The following NAV2 variants were observed in gnomAD, a reference collection of about 807,000 sequenced individuals.
The protein encoded by NAV2 is neuron navigator 2.
Under a neutral mutation model 223.2 loss-of-function variants are expected in NAV2, and 54 were observed. The observed-to-expected ratio is 0.24, with a 90% confidence interval of 0.19 to 0.30. The LOEUF (loss-of-function observed/expected upper bound fraction) is 0.30, where lower values mean the gene tolerates loss of function less well. NAV2 is among the 10% of genes least tolerant of loss of function. The pLI, the probability that NAV2 is intolerant of heterozygous loss-of-function variation, is 1.00. For missense variants in NAV2, 2,806 were observed against 3,147.5 expected (o/e 0.89, Z 2.60); for synonymous variants, 1,279 against 1,239.3 (o/e 1.03, Z -0.67).
intron 1 of NAV2, among the ~76,000 whole-genome samples, chr11:19,702,044 A>G (rs1203772326): frequency 1.3e-5 from 2 of 152,164 alleles, no homozygotes; most frequent in East Asian, 1.9e-4. Context: ...TTTCCTCTCC[A>G]TCTTCTCTGT....
At chr11:19,447,128 C>T (rs796283498) in intron 1 of NAV2, among the ~76,000 whole-genome samples, 23 of 152,258 alleles carry the variant, frequency 1.5e-4, no homozygotes, top group African/African-American at 4.1e-4. Flanking sequence ...CAGAGGCCTG[C>T]GGTAAAAGAG....
chr11:19,859,597 C>A (rs1021044816), intron 3 of NAV2, among the ~76,000 whole-genome samples: 1 of 152,200 alleles, frequency 6.6e-6, no homozygotes, highest in African/African-American at 2.4e-5. Flanking sequence ...ACCTTTCCCC[C>A]CTTTCTATTC....
chr11:19,868,876 G>A lies in NAV2; in HGVS notation c.439-49G>A. The A allele has an allele frequency of 2.5e-6, 4 of 1,581,412 alleles. No homozygotes were observed. The East Asian group carries it at 9.0e-5, about 36-fold the overall frequency. On this transcript the variant is annotated intron_variant, in intron 3 of 37. Coordinates refer to ENST00000349880, the MANE Select transcript of NAV2 (RefSeq NM_145117.5). ...ATTGTTCCTCATAAGAGATGGCTCT[G>A]GAGAGGCTGAACATTTATTAAGTAT... is the stretch of plus-strand genomic sequence containing the variant.
rs749336194 is a variant in NAV2 at position 20,045,529 on chromosome 11, G to A, written c.3761G>A (p.Gly1254Asp). 1.2e-6 allele frequency: 2 copies of A among 1,614,106 alleles called. No homozygotes were observed. Among genetic ancestry groups the A allele is most frequent in the Non-Finnish European group, 8.5e-7 (1 of 1,180,014 alleles). ...GLVNQTDKEK[G>D]ISSDNESVAS... The stretch of plus-strand genomic sequence containing the variant: ...GTCAACCAAACAGACAAGGAGAAAG[G>A]CATCTCATCAGACAACGAGAGTGTG... The change falls in exon 14 of 38, where the codon GGC becomes GAC. Residue 1254 changes from glycine (G) to aspartate (D), a missense_variant. Around this residue, in one of 4 missense-constraint regions of NAV2, gnomAD observed 742 missense variants for 777.9 expected, o/e 0.95. Coordinates refer to ENST00000349880, the MANE Select transcript of NAV2 (RefSeq NM_145117.5).
intron 1 of NAV2, among the ~76,000 whole-genome samples, chr11:19,765,459 C>T (rs914750490): frequency 6.6e-6 from 1 of 151,370 alleles, no homozygotes; most frequent in Non-Finnish European, 1.5e-5. Flanking sequence ...TCCCCTTCCC[C>T]TTCCCCTCCC....
chr11:19,432,640 A>T (rs1313821350), intron 1 of NAV2, among the ~76,000 whole-genome samples: 1 of 152,122 alleles, frequency 6.6e-6, no homozygotes, highest in African/African-American at 2.4e-5. Flanking sequence ...AGTGGGTGGT[A>T]TGGAGAGCAG....
At chr11:19,963,855 A>C (rs991091645) in intron 10 of NAV2, among the ~76,000 whole-genome samples, 2 of 152,180 alleles carry the variant, frequency 1.3e-5, no homozygotes, top group Non-Finnish European at 2.9e-5. Flanking sequence ...ATCAAGAGCC[A>C]ATTCTGCACA....
At chr11:19,365,419 G>C (rs16936612) in intron 1 of NAV2, among the ~76,000 whole-genome samples, 2,493 of 152,284 alleles carry the variant, frequency 0.016, 71 homozygotes, top group African/African-American at 0.056. Context: ...GAAAGTCCTG[G>C]TTCAGTGACC....
chr11:20,088,739 A>G (rs2060620796), intron 26 of NAV2, among the ~76,000 whole-genome samples: 1 of 152,194 alleles, frequency 6.6e-6, no homozygotes, highest in East Asian at 1.9e-4. Context: ...TTCTGGGAAA[A>G]GGGTGCAGAT....
intron 1 of NAV2, among the ~76,000 whole-genome samples, chr11:19,578,783 G>T (rs1391203877): frequency 6.6e-6 from 1 of 152,174 alleles, no homozygotes; most frequent in Admixed American, 6.5e-5. Flanking sequence ...TACAGGGCAG[G>T]GTTGAGCAGT....
chr11:19,561,827 G>T (rs1326813907), intron 1 of NAV2, among the ~76,000 whole-genome samples: 1 of 152,234 alleles, frequency 6.6e-6, no homozygotes, highest in Non-Finnish European at 1.5e-5. Flanking sequence ...CAGCCTGCAA[G>T]TCTGGCTCAG....
At chr11:19,420,300 AT>A (rs932327220) in intron 1 of NAV2, among the ~76,000 whole-genome samples, 6 of 152,216 alleles carry the variant, frequency 3.9e-5, no homozygotes, top group African/African-American at 1.4e-4. Context: ...TGGCAAGGAT[AT>A]GGAACAACTG....
At chr11:20,052,160 A>T (rs1201547220) in intron 17 of NAV2, among the ~76,000 whole-genome samples, 2 of 152,244 alleles carry the variant, frequency 1.3e-5, no homozygotes, top group African/African-American at 4.8e-5. Context: ...TGCACTAAGC[A>T]TTAAGTGCTT....
At chr11:19,984,691 G>T (rs560061824) in intron 11 of NAV2, among the ~76,000 whole-genome samples, 2 of 152,188 alleles carry the variant, frequency 1.3e-5, no homozygotes, top group African/African-American at 2.4e-5. Context: ...CCTGTTGCAT[G>T]GTAATAGGAG....
rs35166286 is a variant in NAV2 at position 20,097,589 on chromosome 11, C to A, written c.6025C>A (p.His2009Asn). 2.9e-4 allele frequency: 461 copies of A among 1,594,094 alleles called. 1 individual carries two copies. The highest frequency in any genetic ancestry group is 1.7e-4 in the Middle Eastern group (1 of 5,974). ...VRRLFKEYII[H>N]VDPVSQLGLN... ...TTATTTTTTCCAGGAATACATCATT[C>A]ATGTCGACCCAGTGAGTCAGCTAGG... Residue 2009 changes from histidine to asparagine, a missense_variant, in exon 31 of 38, where the codon CAT (histidine) becomes AAT (asparagine). Coordinates refer to ENST00000349880, the MANE Select transcript of NAV2 (RefSeq NM_145117.5).
intron 1 of NAV2, chr11:19,503,475 T>G (rs957583318): frequency 6.6e-6 from 1 of 152,186 alleles, no homozygotes; most frequent in African/African-American, 2.4e-5. Flanking sequence ...GCCTTCCTAC[T>G]CCCAGGAAAC....
At chr11:19,809,816 G>A (rs905596017) in intron 1 of NAV2, among the ~76,000 whole-genome samples, 2 of 152,168 alleles carry the variant, frequency 1.3e-5, no homozygotes, top group Non-Finnish European at 2.9e-5. Context: ...TTTGTCTGAT[G>A]CTTTTCCCCT....
intron 1 of NAV2, among the ~76,000 whole-genome samples, chr11:19,487,473 G>T (rs1451776466): frequency 6.6e-6 from 1 of 152,130 alleles, no homozygotes; most frequent in African/African-American, 2.4e-5. Flanking sequence ...AAAAAATGAT[G>T]AAGAACATGG....
intron 1 of NAV2, among the ~76,000 whole-genome samples, chr11:19,654,690 G>A (rs2048068142): frequency 6.6e-6 from 1 of 152,354 alleles, no homozygotes; most frequent in East Asian, 1.9e-4. Context: ...CTAGCCATAT[G>A]TAGAAAGCTG....
Sources: gnomAD v4.1 joint callset for allele counts (sites outside exome capture counted in the v4.1 genomes callset) on GRCh38, gnomAD v4.1.1 for gene constraint, gnomAD v4.1.1 regional missense constraint, MANE v1.5 for transcripts, NCBI Gene and HGNC (gene_info 2026-07-23, HGNC 2026-07-21) for gene names.